The following HDAC4 variants were observed in gnomAD, a reference collection of about 807,000 sequenced individuals.
HDAC4 encodes the protein histone deacetylase A.
HDAC4 carries 16 observed loss-of-function variants against 135.1 expected under a neutral mutation model. The observed-to-expected ratio is 0.12, with a 90% CI of 0.08 to 0.18. The LOEUF (loss-of-function observed/expected upper bound fraction) is 0.18. Ranked by LOEUF, HDAC4 falls within the 10% of genes least tolerant of loss-of-function variation. The pLI, the probability that HDAC4 is intolerant of heterozygous loss-of-function variation, is 1.00. For missense variants in HDAC4, 1,143 were observed against 1,511.8 expected, an observed-to-expected ratio of 0.76 and a Z score of 4.05; for synonymous variants, 685 against 653.4, an observed-to-expected ratio of 1.05 and a Z score of -0.74.
intron 4 of HDAC4, among the ~76,000 whole-genome samples, chr2:239,188,878 G>T (rs1262345094): frequency 1.3e-5 from 2 of 152,256 alleles, no homozygotes; most frequent in African/African-American, 4.8e-5. Flanking sequence ...GAGTGAGCCT[G>T]AATGGAGCTC....
chr2:239,227,190 T>G (rs893600404), intron 3 of HDAC4, among the ~76,000 whole-genome samples: 2 of 151,972 alleles, frequency 1.3e-5, no homozygotes, highest in African/African-American at 2.4e-5. Context: ...GAGAATGAAA[T>G]ATCTGCTCAG....
chr2:239,330,051 C>G (rs972384221), intron 2 of HDAC4, among the ~76,000 whole-genome samples: 3 of 152,248 alleles, frequency 2.0e-5, no homozygotes, highest in Non-Finnish European at 4.4e-5. Flanking sequence ...CAAGCCCAAG[C>G]TGCTGCTGCA....
At chr2:239,351,430 T>C (rs1013881111) in intron 2 of HDAC4, among the ~76,000 whole-genome samples, 1 of 152,192 alleles carries the variant, frequency 6.6e-6, no homozygotes, top group Non-Finnish European at 1.5e-5. Flanking sequence ...CATCACACTA[T>C]GTTTAGACAC....
At chr2:239,135,875 T>A (rs2040919359) in intron 9 of HDAC4, among the ~76,000 whole-genome samples, 1 of 152,192 alleles carries the variant, frequency 6.6e-6, no homozygotes, top group Non-Finnish European at 1.5e-5. Flanking sequence ...AAAAACAGGT[T>A]ATAGATCATG....
rs944625038 is a variant in HDAC4, at chr2:239,052,751, A to G, written c.*346T>C. 2.6e-6 allele frequency: 1 copy of G among 378,250 alleles called. No individual in the cohort carries two copies. The highest frequency in any genetic ancestry group is 4.9e-6 in the Non-Finnish European group (1 of 204,830). 23.4% of individuals were successfully genotyped at this position (378,250 alleles called of 1,614,324 possible). ...TATTTGTTTTCTGTGCCTCGTGTCA[A>G]CTGAATTCGGCAGCTCGGCCGCCTG... On this transcript the variant is annotated 3_prime_UTR_variant, in exon 27 of 27. Coordinates refer to ENST00000543185, the MANE Select transcript of HDAC4 (RefSeq NM_001378414.1).
intron 15 of HDAC4, among the ~76,000 whole-genome samples, chr2:239,105,633 C>G (rs759369753): frequency 6.6e-6 from 1 of 152,204 alleles, no homozygotes; most frequent in Non-Finnish European, 1.5e-5. Flanking sequence ...GCCTCACCCC[C>G]CAGGCCTCCA....
chr2:239,136,951 T>C (rs1425362046), intron 9 of HDAC4, among the ~76,000 whole-genome samples: 2 of 152,172 alleles, frequency 1.3e-5, no homozygotes, highest in African/African-American at 4.8e-5. Context: ...AAAGGGCTAC[T>C]GAGGAAAACA....
chr2:239,399,695 C>G (rs1575815860), intron 1 of HDAC4, among the ~76,000 whole-genome samples: 1 of 152,166 alleles, frequency 6.6e-6, no homozygotes, highest in Non-Finnish European at 1.5e-5. Context: ...AAAGCCTGAA[C>G]AGAGAAAAAC....
intron 16 of HDAC4, among the ~76,000 whole-genome samples, chr2:239,097,001 G>T (rs1282534082): frequency 2.0e-5 from 3 of 152,168 alleles, no homozygotes; most frequent in Non-Finnish European, 4.4e-5. Context: ...GGGCTCAGGG[G>T]CTCCCAGGCC....
intron 12 of HDAC4, among the ~76,000 whole-genome samples, chr2:239,121,318 C>T (rs939644103): frequency 6.6e-6 from 1 of 152,190 alleles, no homozygotes; most frequent in Non-Finnish European, 1.5e-5. Flanking sequence ...AACGTCCTTC[C>T]CCTATGCACA....
At chr2:239,395,166 G>A (rs777722319) in intron 1 of HDAC4, among the ~76,000 whole-genome samples, 1 of 152,224 alleles carries the variant, frequency 6.6e-6, no homozygotes. Flanking sequence ...AGTAAAGCAG[G>A]TGGCAGCTGA....
chr2:239,203,997 C>T (rs917832117), intron 3 of HDAC4, among the ~76,000 whole-genome samples: 1 of 152,210 alleles, frequency 6.6e-6, no homozygotes, highest in African/African-American at 2.4e-5. Context: ...GAGTCCGGGT[C>T]CAATGCATCC....
At chr2:239,196,312 A>G (rs2153060260) in intron 3 of HDAC4, among the ~76,000 whole-genome samples, 1 of 152,308 alleles carries the variant, frequency 6.6e-6, no homozygotes, top group East Asian at 1.9e-4. Context: ...TGAAACCAGC[A>G]CCAGTGCATC....
At chr2:239,089,761 A>T in intron 18 of HDAC4, 1 of 422,800 alleles carries the variant, frequency 2.4e-6, no homozygotes, top group Non-Finnish European at 4.3e-6. Flanking sequence ...TAAATTTTTA[A>T]GAGTATAAAG....
chr2:239,267,254 T>C (rs2049790166), intron 2 of HDAC4, among the ~76,000 whole-genome samples: 1 of 152,146 alleles, frequency 6.6e-6, no homozygotes, highest in South Asian at 2.1e-4. Context: ...CACCTATAAT[T>C]ACACTTCGTA....
At chr2:239,316,151 CTCCAAAGCCCCGT>C (rs1158604007) in intron 2 of HDAC4, among the ~76,000 whole-genome samples, 1 of 152,218 alleles carries the variant, frequency 6.6e-6, no homozygotes, top group African/African-American at 2.4e-5. Context: ...ATACACTCCA[CTCCAAAGCCCCGT>C]GGGAATAGGC....
chr2:239,346,000 GCACT>G (rs1350582165), intron 2 of HDAC4, among the ~76,000 whole-genome samples: 2 of 132,160 alleles, frequency 1.5e-5, no homozygotes, highest in East Asian at 2.3e-4. Context: ...TCACACACTT[GCACT>G]CACTCTCACA....
chr2:239,087,758 G>A, intron 18 of HDAC4, 144 bp from the exon 19 acceptor site: 1 of 787,056 alleles, frequency 1.3e-6, no homozygotes, highest in Non-Finnish European at 2.2e-6. Context: ...CAGTGATGGG[G>A]ACAGGATGCA....
intron 3 of HDAC4, among the ~76,000 whole-genome samples, chr2:239,228,849 A>G (rs945321390): frequency 5.3e-5 from 8 of 152,140 alleles, no homozygotes; most frequent in Admixed American, 1.3e-4. Context: ...TCTCTACTAT[A>G]AAGTAACAAG....
Sources: allele counts gnomAD v4.1 joint callset (sites outside exome capture counted in the v4.1 genomes callset), GRCh38; gene constraint gnomAD v4.1.1; transcripts MANE v1.5; gene names NCBI Gene and HGNC (gene_info 2026-07-23, HGNC 2026-07-21).